BACH2: variants seen among roughly 807,000 people sequenced by gnomAD.
BACH2 encodes the protein BACH transcriptional regulator 2.
BACH2 carries 5 observed loss-of-function variants against 61.8 expected under a neutral mutation model. The observed-to-expected ratio is 0.08, with a 90% CI of 0.04 to 0.17. The LOEUF is 0.17. BACH2 is among the 10% of genes least tolerant of loss of function. BACH2 has a pLI of 1.00. For missense variants in BACH2, 824 were observed against 1,091.1 expected, an observed-to-expected ratio of 0.76 and a Z score of 3.45; for synonymous variants, 446 against 440.1, an observed-to-expected ratio of 1.01 and a Z score of -0.17.
At chr6:90,228,017 T>C (rs1383247608) in intron 3 of BACH2, among the ~76,000 whole-genome samples, 1 of 152,232 alleles carries the variant, frequency 6.6e-6, no homozygotes, top group African/African-American at 2.4e-5. Context: ...ACCTGTCTCT[T>C]TTTATCCACA....
At chr6:89,994,491 G>T (rs564066650) in intron 6 of BACH2, among the ~76,000 whole-genome samples, 1 of 152,112 alleles carries the variant, frequency 6.6e-6, no homozygotes, top group Non-Finnish European at 1.5e-5. Context: ...TTGCTTTTTG[G>T]ATTTTCATTT....
intron 4 of BACH2, among the ~76,000 whole-genome samples, chr6:90,125,089 C>A (rs898818265): frequency 6.6e-6 from 1 of 150,982 alleles, no homozygotes; most frequent in African/African-American, 2.4e-5. Context: ...TTTAAAATAA[C>A]AGTTATAAAA....
At chr6:90,105,743 A>T (rs1184978068) in intron 4 of BACH2, among the ~76,000 whole-genome samples, 3 of 152,170 alleles carry the variant, frequency 2.0e-5, no homozygotes, top group Non-Finnish European at 4.4e-5. Flanking sequence ...TGGCAATTCT[A>T]CTGCTAACCA....
intron 7 of BACH2, among the ~76,000 whole-genome samples, chr6:89,940,365 A>G (rs553389958): frequency 6.6e-6 from 1 of 152,304 alleles, no homozygotes; most frequent in South Asian, 2.1e-4. Flanking sequence ...AAGAGCCCCA[A>G]GTGCGGAAGG....
At chr6:90,215,465 G>T (rs1260113140) in intron 3 of BACH2, among the ~76,000 whole-genome samples, 1 of 152,116 alleles carries the variant, frequency 6.6e-6, no homozygotes, top group Non-Finnish European at 1.5e-5. Flanking sequence ...AATGTCTTCT[G>T]GCACCTAAGA....
In BACH2 at chr6:90,214,054, A is replaced by G. The variant is rs534082734; in HGVS notation, c.-274-7373T>C. 2.6e-5 allele frequency among the ~76,000 whole-genome samples: 4 copies of G among 152,330 alleles called. No homozygotes were observed. In the South Asian group the frequency reaches 8.3e-4, roughly 32 times the overall value. Reference sequence around the variant, plus strand: ...GGTGACAGCTTTTTGCGCACTTTAGAAGAAAAAAAACTAAACAAAAGAGAT... The same window carrying G: ...GGTGACAGCTTTTTGCGCACTTTAGGAGAAAAAAAACTAAACAAAAGAGAT... On this transcript the variant is annotated intron_variant, in intron 3 of 8. Transcript: ENST00000257749.
intron 5 of BACH2, among the ~76,000 whole-genome samples, chr6:90,067,329 G>A (rs1244826440): frequency 2.0e-5 from 3 of 152,220 alleles, no homozygotes; most frequent in African/African-American, 7.2e-5. Context: ...AGGCTGGGAA[G>A]CAGGTTAGGG....
chr6:90,087,273 T>C (rs1781970988), intron 5 of BACH2, among the ~76,000 whole-genome samples: 1 of 152,186 alleles, frequency 6.6e-6, no homozygotes, highest in Non-Finnish European at 1.5e-5. Context: ...ACATCTACCA[T>C]ATCCAAGTAA....
intron 3 of BACH2, among the ~76,000 whole-genome samples, chr6:90,219,480 C>T (rs1769662584): frequency 1.3e-5 from 2 of 152,198 alleles, no homozygotes; most frequent in Non-Finnish European, 1.5e-5. Context: ...TTCCCCTTTC[C>T]TCCTCCCAGC....
At chr6:90,269,389 A>C (rs115667765) in intron 2 of BACH2, among the ~76,000 whole-genome samples, 1 of 152,324 alleles carries the variant, frequency 6.6e-6, no homozygotes, top group African/African-American at 2.4e-5. Flanking sequence ...ACAGTCCAAA[A>C]GTAAAAAATA....
At chr6:90,226,038 T>G (rs779172255) in intron 3 of BACH2, among the ~76,000 whole-genome samples, 1 of 152,152 alleles carries the variant, frequency 6.6e-6, no homozygotes, top group Non-Finnish European at 1.5e-5. Context: ...CAGGTGATTC[T>G]GATGTGCTGT....
At chr6:90,194,843 T>C (rs931862749) in intron 4 of BACH2, among the ~76,000 whole-genome samples, 1 of 152,210 alleles carries the variant, frequency 6.6e-6, no homozygotes, top group East Asian at 1.9e-4. Flanking sequence ...GGGAATCTGG[T>C]AATAAATTGG....
intron 4 of BACH2, among the ~76,000 whole-genome samples, chr6:90,115,607 C>T (rs556618440): frequency 6.6e-6 from 1 of 152,032 alleles, no homozygotes; most frequent in African/African-American, 2.4e-5. Context: ...GACATAGGAA[C>T]GGGCAAAGAT....
chr6:90,054,522 C>CCT (rs1411326038), intron 5 of BACH2, among the ~76,000 whole-genome samples: 1 of 151,882 alleles, frequency 6.6e-6, no homozygotes, highest in African/African-American at 2.4e-5. Flanking sequence ...GGCCTGCCTG[C>CCT]CTCTGTAGGC....
intron 1 of BACH2, among the ~76,000 whole-genome samples, chr6:90,272,822 T>C (rs1771569930): frequency 6.6e-6 from 1 of 152,202 alleles, no homozygotes; most frequent in Non-Finnish European, 1.5e-5. Flanking sequence ...TGTTTCCTCT[T>C]GTAAAATTGG....
At chr6:90,103,591 G>A (rs776552582) in intron 4 of BACH2, among the ~76,000 whole-genome samples, 8 of 152,106 alleles carry the variant, frequency 5.3e-5, no homozygotes, top group Admixed American at 2.0e-4. Context: ...TTCCCTTTAC[G>A]CCCTAATAAT....
chr6:90,172,969 C>A (rs559861231), intron 4 of BACH2, among the ~76,000 whole-genome samples: 27 of 151,998 alleles, frequency 1.8e-4, no homozygotes, highest in African/African-American at 6.5e-4. Context: ...TCTAAGGTTA[C>A]TGAACTGTTT....
chr6:89,932,833 C>T lies in BACH2; in HGVS notation c.2101G>A (p.Glu701Lys). 1 of 1,610,826 alleles carries T rather than the reference C, an allele frequency of 6.2e-7. No individual in the cohort carries two copies. Among genetic ancestry groups the T allele is most frequent in the Non-Finnish European group, 8.5e-7 (1 of 1,177,322 alleles). The change falls in exon 9 of 9, where the codon GAA becomes AAA. Residue 701 changes from glutamate (E) to lysine (K), a missense_variant. Around this residue, in one of 8 missense-constraint regions of BACH2, gnomAD observed 160 missense variants for 283.5 expected, o/e 0.56. Coordinates refer to ENST00000257749, the MANE Select transcript of BACH2 (RefSeq NM_021813.4). ...AGGCAGGAGAAGTTGTCCAACAGTT[C>T]CCCCATGCATGCTTTCAGTTGATTC... ...ERNQLKACMG[E>K]LLDNFSCLSQ... is the part of the protein sequence containing the mutation.
intron 3 of BACH2, among the ~76,000 whole-genome samples, chr6:90,207,272 C>T (rs1048839454): frequency 3.3e-5 from 5 of 152,046 alleles, no homozygotes; most frequent in Admixed American, 3.3e-4. Flanking sequence ...GCGTGCACCA[C>T]TATGTCCAGC....
Sources: gnomAD v4.1 joint callset for allele counts (sites outside exome capture counted in the v4.1 genomes callset) on GRCh38, gnomAD v4.1.1 for gene constraint, gnomAD v4.1.1 regional missense constraint, MANE v1.5 for transcripts, NCBI Gene and HGNC (gene_info 2026-07-23, HGNC 2026-07-21) for gene names.